The following PABPC1 variants were observed in gnomAD, a reference collection of about 807,000 sequenced individuals.
PABPC1 encodes poly(A) binding protein cytoplasmic 1.
A neutral mutation model predicts 74.0 loss-of-function variants in PABPC1; 4 were observed. The ratio of observed to expected loss-of-function variants is 0.05; its 90% confidence interval spans 0.03 to 0.12. PABPC1 has a LOEUF of 0.12. Ranked by LOEUF, PABPC1 falls within the 10% of genes least tolerant of loss-of-function variation. PABPC1 has a pLI of 1.00. For missense variants in PABPC1, 271 were observed against 821.1 expected (o/e 0.33, Z 8.19); for synonymous variants, 227 against 264.1 (o/e 0.86, Z 1.36).
At chr8:100,705,771 T>C (rs1810362495) in intron 11 of PABPC1, 98 bp from the exon 12 acceptor site, 1 of 782,960 alleles carries the variant, frequency 1.3e-6, no homozygotes, top group South Asian at 1.5e-5. Flanking sequence ...TAGACTTCCA[T>C]CGAAACATGA....
At position 100,721,300 on chromosome 8, in the gene PABPC1, C is replaced by G. The variant is rs1011413190; in HGVS notation, c.193+91G>C. 28 of 536,514 alleles carry G rather than the reference C, an allele frequency of 5.2e-5. No homozygotes were observed. The highest frequency in any genetic ancestry group is 7.0e-5 in the Non-Finnish European group (28 of 400,314). The allele number at this position is 536,514 out of a possible 1,614,324, so 33.2% of individuals were successfully genotyped here. On this transcript the variant is annotated intron_variant, in intron 1 of 14. Transcript: ENST00000318607. This position sits in a 1 kb window ranked among gnomAD's most constrained non-coding sequence, Gnocchi z 7.4. ...GGGTGACATGCCCTCCCGCCCCCCT[C>G]CCCGGGCCCGCCGGCCTACCCCGCC...
intron 7 of PABPC1, 182 bp from the exon 8 acceptor site, chr8:100,709,913 A>G: frequency 1.6e-6 from 1 of 641,062 alleles, no homozygotes; most frequent in South Asian, 2.1e-5. Flanking sequence ...TTAAGGGCAA[A>G]CTACACATAT....
chr8:100,704,072 AAAAC>A, intron 14 of PABPC1: 7 of 408,636 alleles, frequency 1.7e-5, no homozygotes, highest in East Asian at 1.4e-4. Flanking sequence ...AAAAAAAAAA[AAAAC>A]ACCACCTGAA....
chr8:100,715,685 TGTTAATGAGAA>T (rs1810651499), intron 3 of PABPC1, 84 bp from the exon 4 acceptor site: 1 of 925,894 alleles, frequency 1.1e-6, no homozygotes, highest in East Asian at 2.6e-5. Flanking sequence ...GTTTTGTTAC[TGTTAATGAGAA>T]TATTCAGAAT....
chr8:100,713,378 C>A (rs1164571140), intron 4 of PABPC1, among the ~76,000 whole-genome samples, 197 bp from the exon 5 acceptor site: 1 of 152,152 alleles, frequency 6.6e-6, no homozygotes, highest in East Asian at 1.9e-4. Context: ...AACACCTTCC[C>A]TCCCCTGAAG....
At chr8:100,703,761 A>G (rs925840168) in intron 14 of PABPC1, among the ~76,000 whole-genome samples, 1 of 152,190 alleles carries the variant, frequency 6.6e-6, no homozygotes, top group African/African-American at 2.4e-5. Flanking sequence ...ATTACTATAC[A>G]AAATCTGGCA....
At chr8:100,708,925 T>TA (rs1195705146) in intron 9 of PABPC1, among the ~76,000 whole-genome samples, 4 of 148,780 alleles carry the variant, frequency 2.7e-5, no homozygotes, top group South Asian at 4.1e-4. Context: ...GAGCTGTACC[T>TA]ATTCCCAAAA....
intron 7 of PABPC1, among the ~76,000 whole-genome samples, chr8:100,710,837 A>G (rs1810509927): frequency 6.6e-6 from 1 of 152,050 alleles, no homozygotes; most frequent in Admixed American, 6.5e-5. Flanking sequence ...AAATACAAAA[A>G]TTAGCCGGGC....
intron 7 of PABPC1, among the ~76,000 whole-genome samples, chr8:100,710,967 A>C (rs1263779697): frequency 6.6e-6 from 1 of 150,642 alleles, no homozygotes. Context: ...ATCTCAAAAA[A>C]ATAAAACAAA....
chr8:100,709,837 C>T (rs1432943246), intron 7 of PABPC1, 106 bp from the exon 8 acceptor site: 20 of 1,194,980 alleles, frequency 1.7e-5, no homozygotes, highest in Non-Finnish European at 2.3e-5. Context: ...ATAACTAAAC[C>T]CTGTTAATGC....
In PABPC1 at chr8:100,721,291, C is replaced by A; in HGVS notation, c.193+100G>T. On this transcript the variant is annotated intron_variant, in intron 1 of 14. Coordinates refer to ENST00000318607, the MANE Select transcript of PABPC1 (RefSeq NM_002568.4). The surrounding 1 kb of genome is among the most constrained non-coding windows in gnomAD (Gnocchi z 7.4). ...GCCGTCGCGGGGTGACATGCCCTCC[C>A]GCCCCCCTCCCCGGGCCCGCCGGCC... The A allele has an allele frequency of 2.2e-6, 1 of 455,584 alleles. No individual in the cohort carries two copies. The highest frequency in any genetic ancestry group is 9.1e-5 in the South Asian group (1 of 10,942). 28.2% of individuals were successfully genotyped at this position (455,584 alleles called of 1,614,324 possible).
intron 9 of PABPC1, among the ~76,000 whole-genome samples, chr8:100,708,846 C>T (rs1810451843): frequency 1.3e-5 from 2 of 151,180 alleles, no homozygotes; most frequent in African/African-American, 2.5e-5. Flanking sequence ...CCACTGCACT[C>T]GAGCCTGGGG....
At chr8:100,718,516 T>C (rs974361238) in intron 1 of PABPC1, among the ~76,000 whole-genome samples, 8 of 152,172 alleles carry the variant, frequency 5.3e-5, no homozygotes, top group African/African-American at 1.9e-4. Context: ...TATAAAAGAA[T>C]TCCATATTGC....
rs749427774 is a variant in PABPC1, at chr8:100,705,018, T to C, written c.1726A>G (p.Thr576Ala). 9.3e-6 allele frequency: 15 copies of C among 1,613,790 alleles called. No homozygotes were observed. The highest frequency in any genetic ancestry group is 1.2e-5 in the Non-Finnish European group (14 of 1,179,966). Residue 576 changes from threonine (T) to alanine (A), a missense_variant, in exon 13 of 15, where the codon ACT becomes GCT. By Grantham distance (58) the Thr-to-Ala change is moderately conservative. Transcript: ENST00000318607. ...ATGCCAGTGATTTTACCAGCAAGAGTAGGGTGCATGGCTTGAATAAGAGGA... is the reference window on the plus strand; with the variant it reads ...ATGCCAGTGATTTTACCAGCAAGAGCAGGGTGCATGGCTTGAATAAGAGGA... The part of the protein sequence containing the change: ...LFPLIQAMHP[T>A]LAGKITGMLL...
intron 4 of PABPC1, among the ~76,000 whole-genome samples, chr8:100,713,761 A>AC (rs1210299295): frequency 6.6e-6 from 1 of 152,226 alleles, no homozygotes; most frequent in Non-Finnish European, 1.5e-5. Flanking sequence ...CGCTAGGGTT[A>AC]CAGGCATGAG....
At position 100,718,071 on chromosome 8, in the gene PABPC1, G is replaced by T. The variant is rs372391219; in HGVS notation, c.387+16C>A. ...CTCAACAATGTAAACATGTGTATCG[G>T]ACATTTTTGGCTTACCTTACATGAA... On this transcript the variant is annotated intron_variant, in intron 2 of 14. Coordinates refer to ENST00000318607, the MANE Select transcript of PABPC1 (RefSeq NM_002568.4). 2 of 1,581,732 alleles carry T rather than the reference G, an allele frequency of 1.3e-6. No homozygotes were observed. The highest frequency in any genetic ancestry group is 1.7e-6 in the Non-Finnish European group (2 of 1,158,018).
chr8:100,717,224 T>C (rs1243834602), intron 3 of PABPC1, among the ~76,000 whole-genome samples: 1 of 152,118 alleles, frequency 6.6e-6, no homozygotes, highest in Non-Finnish European at 1.5e-5. Context: ...GTCAGGCTGG[T>C]CTCAAACTCC....
chr8:100,711,723 T>C (rs1262995444), intron 7 of PABPC1, among the ~76,000 whole-genome samples: 1 of 152,212 alleles, frequency 6.6e-6, no homozygotes, highest in African/African-American at 2.4e-5. Flanking sequence ...TTCCTCGGAC[T>C]TGCCAGGAAA....
In PABPC1 at chr8:100,707,714, T is replaced by C. The variant is rs1230548578; in HGVS notation, c.1337-717A>G. Among the ~76,000 whole-genome samples the C allele has an allele frequency of 2.0e-5, 3 of 152,330 alleles. 1 individual carries two copies. Among genetic ancestry groups the C allele is most frequent in the African/African-American group, 4.8e-5 (2 of 41,578 alleles). On this transcript the variant is annotated intron_variant, in intron 9 of 14. Coordinates refer to ENST00000318607, the MANE Select transcript of PABPC1 (RefSeq NM_002568.4). Reference sequence around the variant, plus strand: ...CTGGATAATTGCAGGCAAGCCTGACTGATGTCAGGCCCTCCACAAGAGGTG... The same window carrying C: ...CTGGATAATTGCAGGCAAGCCTGACCGATGTCAGGCCCTCCACAAGAGGTG...
Sources: allele counts gnomAD v4.1 joint callset (sites outside exome capture counted in the v4.1 genomes callset), GRCh38; gene constraint gnomAD v4.1.1; non-coding constraint Gnocchi (gnomAD v3.1); transcripts MANE v1.5; gene names NCBI Gene and HGNC (gene_info 2026-07-23, HGNC 2026-07-21).